C16orf89: variants seen among roughly 807,000 people sequenced by gnomAD.
C16orf89 encodes UPF0764 protein C16orf89.
Under a neutral mutation model 41.5 loss-of-function variants are expected in C16orf89, and 57 were observed. The observed-to-expected ratio is 1.38, with a 90% CI of 1.11 to 1.71. The LOEUF (loss-of-function observed/expected upper bound fraction) is 1.71. Ranked by LOEUF, C16orf89 falls within the 40% of genes most tolerant of loss-of-function variation. The probability of loss-of-function intolerance (pLI) is 0.00; values close to 1 mark genes in which losing one functional copy is unlikely to be tolerated. For synonymous variants in C16orf89, 223 were observed against 190.6 expected, an observed-to-expected ratio of 1.17 and a Z score of -1.40; for missense variants, 575 against 445.9, an observed-to-expected ratio of 1.29 and a Z score of -2.61.
chr16:5,043,065 T>C (rs992344462), downstream of C16orf89: 2 of 152,032 alleles, frequency 1.3e-5, no homozygotes, highest in African/African-American at 4.8e-5. Context: ...AGGTAGGGGC[T>C]GGGTTTTGTT....
At chr16:5,063,455 C>A (rs942275606) in intron 1 of C16orf89, among the ~76,000 whole-genome samples, 1 of 152,202 alleles carries the variant, frequency 6.6e-6, no homozygotes, top group African/African-American at 2.4e-5. Flanking sequence ...GGGTCCCCAA[C>A]CTCCAGTCCA....
intron 5 of C16orf89, chr16:5,055,830 C>T: frequency 7.3e-7 from 1 of 1,368,282 alleles, no homozygotes; most frequent in Non-Finnish European, 1.0e-6. Flanking sequence ...GTAAGTATAT[C>T]CCATGAAATA....
At chr16:5,057,638 C>A (rs1018845819) in intron 4 of C16orf89, among the ~76,000 whole-genome samples, 2 of 151,744 alleles carry the variant, frequency 1.3e-5, no homozygotes, top group African/African-American at 4.8e-5. Context: ...AAGCGATTCT[C>A]CTGCCTCAGC....
intron 4 of C16orf89, among the ~76,000 whole-genome samples, chr16:5,057,167 G>A (rs1431367326): frequency 6.6e-6 from 1 of 150,992 alleles, no homozygotes; most frequent in Admixed American, 6.6e-5. Flanking sequence ...AATCCGGGAG[G>A]CAGAGGTTGC....
intron 3 of C16orf89, 87 bp from the exon 4 acceptor site, chr16:5,058,697 C>G (rs1956559265): frequency 3.6e-6 from 4 of 1,096,998 alleles, no homozygotes; most frequent in South Asian, 3.1e-5. Context: ...GTTGTTGGAA[C>G]TCCCAGTAGA....
intron 3 of C16orf89, 135 bp downstream of exon 3, chr16:5,060,151 C>A: frequency 9.0e-7 from 1 of 1,110,772 alleles, no homozygotes; most frequent in Non-Finnish European, 1.2e-6. Context: ...TACCCGGCAG[C>A]TACAGGGAGC....
At chr16:5,056,301 A>G (rs1011493949) in intron 4 of C16orf89, 113 bp from the exon 5 acceptor site, 4 of 1,053,936 alleles carry the variant, frequency 3.8e-6, no homozygotes, top group Non-Finnish European at 5.4e-6. Context: ...GGCTGTGTTT[A>G]GGGCTGTGTT....
intron 7 of C16orf89, among the ~76,000 whole-genome samples, chr16:5,045,527 G>A (rs1956279770): frequency 1.3e-5 from 2 of 152,152 alleles, no homozygotes; most frequent in South Asian, 4.2e-4. Context: ...GAAGGGGAGG[G>A]GACCCCAGCC....
At chr16:5,053,157 G>C (rs181169747) in intron 6 of C16orf89, among the ~76,000 whole-genome samples, 1 of 152,134 alleles carries the variant, frequency 6.6e-6, no homozygotes, top group African/African-American at 2.4e-5. Flanking sequence ...ATCACTTGAG[G>C]TCAGGAGTTC....
At chr16:5,065,505 C>A (rs1278322510) in intron 1 of C16orf89, among the ~76,000 whole-genome samples, 196 bp downstream of exon 1, 3 of 152,306 alleles carry the variant, frequency 2.0e-5, no homozygotes, top group Non-Finnish European at 4.4e-5. Flanking sequence ...TTTCCTACTT[C>A]TAAAAAATTG....
chr16:5,057,691 AC>A (rs1300601733), intron 4 of C16orf89, among the ~76,000 whole-genome samples: 1 of 151,222 alleles, frequency 6.6e-6, no homozygotes, highest in African/African-American at 2.4e-5. Context: ...ACTATGCCCG[AC>A]TAATTTTTGT....
At chr16:5,055,699 T>C in intron 5 of C16orf89, 1 of 1,535,822 alleles carries the variant, frequency 6.5e-7, no homozygotes, top group Non-Finnish European at 8.7e-7. Flanking sequence ...GGTCCATCTG[T>C]GTAGAGCTCC....
chr16:5,047,400 C>A (rs190574837), intron 7 of C16orf89, among the ~76,000 whole-genome samples: 1 of 152,134 alleles, frequency 6.6e-6, no homozygotes, highest in Non-Finnish European at 1.5e-5. Context: ...CTATTTTTAA[C>A]AACTGAAACT....
chr16:5,064,242 C>A (rs1038141997), intron 1 of C16orf89, among the ~76,000 whole-genome samples: 1 of 152,202 alleles, frequency 6.6e-6, no homozygotes, highest in Non-Finnish European at 1.5e-5. Flanking sequence ...AAATTGCTTT[C>A]CACAAAACCA....
intron 2 of C16orf89, among the ~76,000 whole-genome samples, chr16:5,060,745 A>C (rs1956599963): frequency 6.6e-6 from 1 of 152,120 alleles, no homozygotes; most frequent in African/African-American, 2.4e-5. Context: ...CACGCCTGTC[A>C]TCCCAGCACT....
rs1262171892 is a variant in C16orf89 at position 5,060,378 on chromosome 16, A to G, written c.417T>C (p.Thr139=). The change falls in exon 3 of 8, where the codon ACT becomes ACC. Residue 139 remains threonine, a synonymous_variant. Coordinates refer to ENST00000472572, the MANE Select transcript of C16orf89 (RefSeq NM_001098514.3). ...FWKLPHAWIH[T]DASLVYPTFG... The stretch of plus-strand genomic sequence containing the variant: ...ACGTGGGGTACACCAAGGAGGCATC[A>G]GTGTGGATCCAGGCATGTGGGAGCT... The G allele has an allele frequency of 1.9e-6, 3 of 1,613,394 alleles. No homozygotes were observed. Among genetic ancestry groups the G allele is most frequent in the South Asian group, 1.1e-5 (1 of 91,072 alleles).
chr16:5,054,734 T>C (rs1956457834), intron 6 of C16orf89, among the ~76,000 whole-genome samples: 1 of 152,158 alleles, frequency 6.6e-6, no homozygotes, highest in Non-Finnish European at 1.5e-5. Context: ...AATTGAATCA[T>C]GGGGGCCGTT....
chr16:5,064,733 G>A (rs1231098028), intron 1 of C16orf89, among the ~76,000 whole-genome samples: 3 of 152,248 alleles, frequency 2.0e-5, no homozygotes, highest in Non-Finnish European at 4.4e-5. Flanking sequence ...GGCAGTGGAT[G>A]TGGGATGTGG....
At chr16:5,054,427 C>T (rs1036006192) in intron 6 of C16orf89, among the ~76,000 whole-genome samples, 3 of 152,218 alleles carry the variant, frequency 2.0e-5, no homozygotes, top group African/African-American at 7.2e-5. Flanking sequence ...TTCCCAGTCA[C>T]CCACCTGGAG....
Sources: gnomAD v4.1 joint callset for allele counts (sites outside exome capture counted in the v4.1 genomes callset) on GRCh38, gnomAD v4.1.1 for gene constraint, MANE v1.5 for transcripts, NCBI Gene and HGNC (gene_info 2026-07-23, HGNC 2026-07-21) for gene names.